Variants in LRRC9 observed in about 807,000 individuals in gnomAD.
LRRC9 encodes leucine rich repeat containing 9, also known as leucine-rich repeat-containing protein 9.
In LRRC9, 122 loss-of-function variants were observed where a neutral mutation model predicts 63.2. The ratio of observed to expected loss-of-function variants is 1.93; its 90% CI spans 1.67 to 2.24. The LOEUF is 2.24. Ranked by LOEUF, LRRC9 falls within the 30% of genes most tolerant of loss-of-function variation. The probability of loss-of-function intolerance (pLI) is 0.00; values close to 1 mark genes in which losing one functional copy is unlikely to be tolerated. For synonymous variants in LRRC9, 366 were observed against 213.1 expected, an observed-to-expected ratio of 1.72 and a Z score of -6.25; for missense variants, 1,071 against 627.7, an observed-to-expected ratio of 1.71 and a Z score of -7.55.
intron 10 of LRRC9, among the ~76,000 whole-genome samples, chr14:59,963,041 C>T (rs1884499973): frequency 6.6e-6 from 1 of 152,158 alleles, no homozygotes. Flanking sequence ...GAAATAACTA[C>T]TAAGTGCTTT....
intron 4 of LRRC9, among the ~76,000 whole-genome samples, 163 bp from the exon 5 acceptor site, chr14:59,931,456 A>G (rs1205821704): frequency 6.6e-6 from 1 of 152,060 alleles, no homozygotes; most frequent in Non-Finnish European, 1.5e-5. Context: ...CAGTATAGAG[A>G]ACAAAGGTGG....
chr14:59,993,575 G>A (rs12879600), intron 17 of LRRC9, among the ~76,000 whole-genome samples: 1 of 151,290 alleles, frequency 6.6e-6, no homozygotes, highest in Non-Finnish European at 1.5e-5. Flanking sequence ...CCCATCTCAC[G>A]TGCAGAGACA....
In LRRC9 at chr14:60,053,645, A is replaced by G. The variant is rs1423854732; in HGVS notation, c.4131+440A>G. Reference sequence around the variant, plus strand: ...CTGAACTCAACTCTCTGGATTGTGTAGTTTATCTAAGAAAGGAGATGTGTG... The same window carrying G: ...CTGAACTCAACTCTCTGGATTGTGTGGTTTATCTAAGAAAGGAGATGTGTG... On this transcript the variant is annotated intron_variant, in intron 30 of 31. Coordinates refer to ENST00000445360, the Ensembl canonical transcript of LRRC9. This position sits in a 1 kb window ranked among gnomAD's most constrained non-coding sequence, Gnocchi z 4.8. Among the ~76,000 whole-genome samples the G allele has an allele frequency of 3.9e-5, 6 of 152,204 alleles. No individual in the cohort carries two copies. The highest frequency in any genetic ancestry group is 1.4e-4 in the African/African-American group (6 of 41,458).
chr14:59,941,405 T>TA (rs1464612079), intron 7 of LRRC9, among the ~76,000 whole-genome samples: 4 of 151,636 alleles, frequency 2.6e-5, no homozygotes, highest in Admixed American at 1.3e-4. Context: ...TCTTTTTTTT[T>TA]ATCCCACCTA....
intron 15 of LRRC9, among the ~76,000 whole-genome samples, chr14:59,981,077 C>T (rs987044363): frequency 1.3e-5 from 2 of 151,898 alleles, no homozygotes; most frequent in Admixed American, 6.6e-5. Flanking sequence ...ATCCTTCATG[C>T]CTTTTAATTT....
rs150609185 is a variant in LRRC9, at chr14:59,998,142, T to C, written c.2403+295T>C. Among the ~76,000 whole-genome samples, 10 of 152,170 alleles carry C rather than the reference T, an allele frequency of 6.6e-5. No individual in the cohort carries two copies. The East Asian group carries it at 1.3e-3, about 21-fold the overall frequency. The stretch of plus-strand genomic sequence containing the variant: ...CATTTGCAAACCTCCAGATATTTTA[T>C]ATAGTTCAGTGTGCCAGAACTCTAT... On this transcript the variant is annotated intron_variant, in intron 18 of 31. Transcript: ENST00000445360.
At chr14:59,987,632 G>T (rs1887628832) in intron 17 of LRRC9, among the ~76,000 whole-genome samples, 1 of 151,672 alleles carries the variant, frequency 6.6e-6, no homozygotes, top group African/African-American at 2.4e-5. Flanking sequence ...TTGGCAAGTG[G>T]ATCCACAGAT....
chr14:60,001,714 T>G (rs1391881304), intron 19 of LRRC9, among the ~76,000 whole-genome samples: 1 of 151,760 alleles, frequency 6.6e-6, no homozygotes, highest in African/African-American at 2.4e-5. Flanking sequence ...ATTCTATGTG[T>G]GTTCATATTA....
intron 6 of LRRC9, among the ~76,000 whole-genome samples, chr14:59,937,697 T>A (rs1172504240): frequency 6.6e-6 from 1 of 152,000 alleles, no homozygotes; most frequent in African/African-American, 2.4e-5. Flanking sequence ...AAGAGCCAGA[T>A]GACAAATAAA....
intron 30 of LRRC9, chr14:60,057,618 A>T (rs1424216031): frequency 9.0e-6 from 2 of 223,044 alleles, no homozygotes; most frequent in Non-Finnish European, 1.7e-5. Flanking sequence ...AGTTGCCATT[A>T]AGCACTAGAT....
At chr14:59,963,544 A>G (rs534981850) in intron 10 of LRRC9, among the ~76,000 whole-genome samples, 22 of 152,164 alleles carry the variant, frequency 1.4e-4, no homozygotes, top group Admixed American at 9.8e-4. Flanking sequence ...AATACGACAA[A>G]ACAATATATA....
At chr14:59,925,991 A>C (rs993877251) in intron 1 of LRRC9, among the ~76,000 whole-genome samples, 1 of 152,162 alleles carries the variant, frequency 6.6e-6, no homozygotes, top group African/African-American at 2.4e-5. Context: ...CCCTTCACTC[A>C]GCTCTCATTC....
chr14:60,038,309 GT>G (rs1892629760), intron 29 of LRRC9, among the ~76,000 whole-genome samples: 1 of 152,026 alleles, frequency 6.6e-6, no homozygotes. Flanking sequence ...GAAGAAAGTC[GT>G]TGGTAGCTTG....
intron 29 of LRRC9, among the ~76,000 whole-genome samples, chr14:60,045,975 A>G (rs868458525): frequency 2.0e-5 from 3 of 151,958 alleles, no homozygotes; most frequent in African/African-American, 7.3e-5. Context: ...AACTGGTGCA[A>G]GTTGGTATCT....
Position 59,974,722 on chromosome 14 carries a change from T to A in LRRC9, c.1639+14T>A. ...TCTTCAGACATGGTAAATACAAATA[T>A]GCCATGTTTCTGAACTTTTAAGTTC... is the stretch of plus-strand genomic sequence containing the variant. On this transcript the variant is annotated intron_variant, in intron 13 of 31. Transcript: ENST00000445360. 3.2e-6 allele frequency: 2 copies of A among 628,498 alleles called. No homozygotes were observed. The highest frequency in any genetic ancestry group is 3.6e-5 in the South Asian group (2 of 54,876). 38.9% of individuals were successfully genotyped at this position (628,498 alleles called of 1,614,324 possible).
In LRRC9 at chr14:59,960,018, T is replaced by G. The variant is rs1056092613; in HGVS notation, c.1079+4T>G. Reference sequence around the variant, plus strand: ...TCTGGAACAAAAAACTAGATGAGTATGTTTAATTAATTATCTAGTTGTTCT... The same window carrying G: ...TCTGGAACAAAAAACTAGATGAGTAGGTTTAATTAATTATCTAGTTGTTCT... On this transcript the variant is annotated splice_donor_region_variant and intron_variant, in intron 9 of 31. Transcript: ENST00000445360. 4.6e-6 allele frequency: 3 copies of G among 646,538 alleles called. No homozygotes were observed. In the African/African-American group the frequency reaches 5.4e-5, roughly 12 times the overall value. 40.1% of individuals were successfully genotyped at this position (646,538 alleles called of 1,614,324 possible). A position where few individuals can be genotyped will look rare whatever the true frequency, so the allele number is the denominator to read the frequency against.
intron 8 of LRRC9, among the ~76,000 whole-genome samples, chr14:59,955,495 T>A (rs554676872): frequency 6.6e-6 from 1 of 152,324 alleles, no homozygotes; most frequent in African/African-American, 2.4e-5. Context: ...TGATATCCCC[T>A]TTATCATTTT....
In LRRC9 at chr14:59,923,691, A is replaced by G. The variant is rs1002883654; in HGVS notation, c.-34+3808A>G. Among the ~76,000 whole-genome samples, 2 of 152,240 alleles carry G rather than the reference A, an allele frequency of 1.3e-5. No individual in the cohort carries two copies. Among genetic ancestry groups the G allele is most frequent in the African/African-American group, 4.8e-5 (2 of 41,470 alleles). On this transcript the variant is annotated intron_variant, in intron 1 of 31. Transcript: ENST00000445360. This position sits in a 1 kb window ranked among gnomAD's most constrained non-coding sequence, Gnocchi z 4.2. ...TCACGCCTGTAGGCTCACGCCTCCCAGCACTCTGGGAAGCTGAGGTGGGTG... is the reference window on the plus strand; with the variant it reads ...TCACGCCTGTAGGCTCACGCCTCCCGGCACTCTGGGAAGCTGAGGTGGGTG...
intron 29 of LRRC9, among the ~76,000 whole-genome samples, chr14:60,043,539 G>A (rs976071327): frequency 1.3e-5 from 2 of 152,072 alleles, no homozygotes; most frequent in African/African-American, 2.4e-5. Flanking sequence ...GGCATCTATT[G>A]AAATAATCAT....
Sources: gnomAD v4.1 joint callset for allele counts (sites outside exome capture counted in the v4.1 genomes callset) on GRCh38, gnomAD v4.1.1 for gene constraint, Gnocchi (gnomAD v3.1) non-coding constraint, MANE v1.5 for transcripts, NCBI Gene and HGNC (gene_info 2026-07-23, HGNC 2026-07-21) for gene names.